Variants in EXT2 observed in about 807,000 individuals in gnomAD.
The protein encoded by EXT2 is exostosin-2.
Under a neutral mutation model 81.6 loss-of-function variants are expected in EXT2, and 53 were observed. The ratio of observed to expected loss-of-function variants is 0.65; its 90% CI spans 0.52 to 0.82. EXT2 has a LOEUF of 0.82. Among genes scored for constraint, EXT2 ranks in the 40% least tolerant of loss-of-function variants. The pLI is 0.00. For synonymous variants in EXT2, 320 were observed against 340.0 expected (o/e 0.94, Z 0.65); for missense variants, 774 against 910.2 (o/e 0.85, Z 1.93).
In EXT2 at chr11:44,107,928, A is replaced by G. The variant is rs1954081455; in HGVS notation, c.216A>G (p.Pro72=). The G allele has an allele frequency of 6.2e-7, 1 of 1,614,138 alleles. No homozygotes were observed. The highest frequency in any genetic ancestry group is 8.5e-7 in the Non-Finnish European group (1 of 1,180,052). ...GTGATGTGCCGGTTGTTAGGCTGCCAGCCGACAGTCCCATCCCAGAGCGGG... is the reference window on the plus strand; with the variant it reads ...GTGATGTGCCGGTTGTTAGGCTGCCGGCCGACAGTCCCATCCCAGAGCGGG... ...SIRDVPVVRL[P]ADSPIPERGD... The change falls in exon 2 of 14, where the codon CCA becomes CCG. Residue 72 remains proline (P), a synonymous_variant. Transcript: ENST00000533608.
chr11:44,214,441 G>A (rs2135223330), intron 10 of EXT2, among the ~76,000 whole-genome samples: 1 of 152,166 alleles, frequency 6.6e-6, no homozygotes, highest in African/African-American at 2.4e-5. Flanking sequence ...TCCATTCCAT[G>A]TTCCCTTCGT....
At chr11:44,242,583 G>A (rs949023003) in intron 13 of EXT2, among the ~76,000 whole-genome samples, 3 of 152,020 alleles carry the variant, frequency 2.0e-5, no homozygotes, top group Non-Finnish European at 4.4e-5. Flanking sequence ...TAACCTCTCT[G>A]AACCTTAATT....
chr11:44,148,856 T>C (rs1403828102), intron 7 of EXT2, among the ~76,000 whole-genome samples: 1 of 152,168 alleles, frequency 6.6e-6, no homozygotes, highest in Non-Finnish European at 1.5e-5. Context: ...GTCACAGATG[T>C]TGGAAGCAGA....
chr11:44,127,066 G>T, intron 6 of EXT2, 111 bp downstream of exon 6: 1 of 1,401,154 alleles, frequency 7.1e-7, no homozygotes, highest in South Asian at 1.2e-5. Flanking sequence ...ACTACAGATA[G>T]TTTTTCTCTA....
At chr11:44,101,076 G>C (rs1271221127) in intron 1 of EXT2, among the ~76,000 whole-genome samples, 1 of 152,064 alleles carries the variant, frequency 6.6e-6, no homozygotes, top group Non-Finnish European at 1.5e-5. Flanking sequence ...GGCTAATATG[G>C]ACCAGCAGAA....
Position 44,126,821 on chromosome 11 carries a change from T to C in EXT2, c.945T>C (p.Ala315=). The C allele has an allele frequency of 6.2e-7, 1 of 1,614,250 alleles. No homozygotes were observed. The highest frequency in any genetic ancestry group is 1.3e-5 in the African/African-American group (1 of 75,068). ...GCCTCTTTGTGTTCCTGCAGGAGGC[T>C]ACTTTCTGTGTGGTTCTTCGTGGAG... ...VFDYPQVLQE[A]TFCVVLRGAR... Residue 315 remains alanine, a synonymous_variant, in exon 6 of 14, where the codon GCT becomes GCC. Transcript: ENST00000533608.
chr11:44,146,317 G>T (rs182586930), intron 7 of EXT2, among the ~76,000 whole-genome samples: 45 of 152,286 alleles, frequency 3.0e-4, no homozygotes, highest in African/African-American at 1.1e-3. Flanking sequence ...ATGTGAATTT[G>T]GGGTAGACAA....
chr11:44,174,742 G>A (rs1193042893), intron 8 of EXT2, among the ~76,000 whole-genome samples: 1 of 152,040 alleles, frequency 6.6e-6, no homozygotes, highest in Non-Finnish European at 1.5e-5. Flanking sequence ...GCATTGGCTA[G>A]TACTTCCAGA....
intron 8 of EXT2, among the ~76,000 whole-genome samples, chr11:44,183,435 G>C (rs1161557463): frequency 6.6e-6 from 1 of 152,058 alleles, no homozygotes; most frequent in Non-Finnish European, 1.5e-5. Context: ...AGGGTGATTT[G>C]TCTTTTTAAA....
intron 7 of EXT2, among the ~76,000 whole-genome samples, chr11:44,165,630 C>T (rs1241631073): frequency 1.3e-5 from 2 of 151,878 alleles, no homozygotes; most frequent in African/African-American, 2.4e-5. Context: ...CAAAAGCTGC[C>T]GTCTCCACTG....
chr11:44,214,962 G>A (rs1173030580), intron 10 of EXT2, among the ~76,000 whole-genome samples: 3 of 151,920 alleles, frequency 2.0e-5, no homozygotes, highest in African/African-American at 7.3e-5. Flanking sequence ...CTCCTGCTAT[G>A]TTGTTGTGGG....
At chr11:44,213,590 A>G (rs1254101903) in intron 10 of EXT2, among the ~76,000 whole-genome samples, 11 of 152,230 alleles carry the variant, frequency 7.2e-5, no homozygotes, top group African/African-American at 2.7e-4. Flanking sequence ...TAAAATTGAA[A>G]ACTCACTGGA....
chr11:44,158,359 A>G (rs932584432), intron 7 of EXT2, among the ~76,000 whole-genome samples: 5 of 152,048 alleles, frequency 3.3e-5, no homozygotes, highest in African/African-American at 9.7e-5. Context: ...AACCCAATAC[A>G]TTGTTGCTGT....
chr11:44,237,480 G>T (rs535325152), intron 13 of EXT2, among the ~76,000 whole-genome samples: 1 of 151,986 alleles, frequency 6.6e-6, no homozygotes, highest in Non-Finnish European at 1.5e-5. Context: ...CACAGTTAAG[G>T]GTAGTGACAT....
chr11:44,207,481 A>T (rs1955597732), intron 10 of EXT2, among the ~76,000 whole-genome samples: 1 of 152,220 alleles, frequency 6.6e-6, no homozygotes, highest in South Asian at 2.1e-4. Flanking sequence ...TCAAGGGTTA[A>T]GTATGGAGAC....
intron 10 of EXT2, among the ~76,000 whole-genome samples, chr11:44,219,026 C>A (rs1263774366): frequency 6.6e-6 from 1 of 151,950 alleles, no homozygotes; most frequent in African/African-American, 2.4e-5. Flanking sequence ...GTCTCAAACT[C>A]CTGACCTCAG....
chr11:44,214,265 C>T (rs1955689442), intron 10 of EXT2, among the ~76,000 whole-genome samples: 1 of 152,146 alleles, frequency 6.6e-6, no homozygotes, highest in Non-Finnish European at 1.5e-5. Context: ...CAGGCGCCCA[C>T]CACCACGCCC....
In EXT2 at chr11:44,245,158, G is replaced by A. The variant is rs371480027; in HGVS notation, c.*871G>A. 42 of 229,694 alleles carry A rather than the reference G, an allele frequency of 1.8e-4. No homozygotes were observed. In the South Asian group the frequency reaches 7.5e-3, roughly 41 times the overall value. The allele number at this position is 229,694 out of a possible 1,614,324, so 14.2% of individuals were successfully genotyped here. A position where few individuals can be genotyped will look rare whatever the true frequency, so the allele number is the denominator to read the frequency against. ...CTCCAGAGGAATCTGTTTGCTTCCTGATTAGATCCAGTCAATGTTTTAAAG... is the reference window on the plus strand; with the variant it reads ...CTCCAGAGGAATCTGTTTGCTTCCTAATTAGATCCAGTCAATGTTTTAAAG... On this transcript the variant is annotated 3_prime_UTR_variant, in exon 14 of 14. Transcript: ENST00000533608.
At chr11:44,119,141 T>TATATATATATATATATAC (rs1954271050) in intron 4 of EXT2, among the ~76,000 whole-genome samples, 1 of 39,124 alleles carries the variant, frequency 2.6e-5, no homozygotes, top group Non-Finnish European at 5.5e-5. Flanking sequence ...TATATATATA[T>TATATATATATATATATAC]ATATATATAT....
Sources: allele counts gnomAD v4.1 joint callset (sites outside exome capture counted in the v4.1 genomes callset), GRCh38; gene constraint gnomAD v4.1.1; transcripts MANE v1.5; gene names NCBI Gene and HGNC (gene_info 2026-07-23, HGNC 2026-07-21).